CYREN: variants seen among roughly 807,000 people sequenced by gnomAD.
CYREN encodes cell cycle regulator of non-homologous end joining.
Under a neutral mutation model 9.7 loss-of-function variants are expected in CYREN, and 7 were observed. The ratio of observed to expected loss-of-function variants is 0.72; its 90% confidence interval spans 0.41 to 1.36. The LOEUF (loss-of-function observed/expected upper bound fraction) is 1.36. Among genes scored for constraint, CYREN ranks in the 40% most tolerant of loss-of-function variants. The pLI, the probability that CYREN is intolerant of heterozygous loss-of-function variation, is 0.01. For synonymous variants in CYREN, 76 were observed against 77.9 expected (o/e 0.98, Z 0.13); for missense variants, 215 against 198.1 (o/e 1.09, Z -0.51).
At chr7:135,167,276 A>T in intron 3 of CYREN, 2 of 1,070,550 alleles carry the variant, frequency 1.9e-6, no homozygotes, top group Non-Finnish European at 2.3e-6. Flanking sequence ...CATGCTTTCA[A>T]GGCACCTGGT....
rs758439524 is a variant in CYREN, at chr7:135,166,888, A to G, written c.214-17T>C. On this transcript the variant is annotated splice_polypyrimidine_tract_variant and intron_variant, in intron 3 of 3. Transcript: ENST00000393114. The stretch of plus-strand genomic sequence containing the variant: ...TTTGCGGCTCTGTGGAGTACGGGAA[A>G]ACGCAGGCTCAACATACGTGTTTTA... The G allele has an allele frequency of 3.7e-6, 6 of 1,608,392 alleles. No individual in the cohort carries two copies. In the African/African-American group the frequency reaches 8.0e-5, roughly 22 times the overall value.
chr7:135,128,605 G>A, intron 2 of CYREN: 1 of 779,392 alleles, frequency 1.3e-6, no homozygotes, highest in Non-Finnish European at 2.4e-6. Context: ...TCTGCTCTAT[G>A]GGAAGAACAC....
intron 2 of CYREN, among the ~76,000 whole-genome samples, chr7:135,155,203 C>T (rs1224028487): frequency 3.9e-5 from 6 of 152,150 alleles, no homozygotes; most frequent in Admixed American, 1.3e-4. Flanking sequence ...TTTTCCACCC[C>T]TTTGTTTTCA....
chr7:135,131,126 A>G lies in CYREN; in HGVS notation n.357-36544T>C, dbSNP rs193200466. Reference sequence around the variant, plus strand: ...AAATAAATTTAAAAATCATCTTGTAATTAGAAAAAAAAGGAATGAGATCAT... The same window carrying G: ...AAATAAATTTAAAAATCATCTTGTAGTTAGAAAAAAAAGGAATGAGATCAT... On this transcript the variant is annotated intron_variant and non_coding_transcript_variant, in intron 2 of 2. Transcript: ENST00000459937. 2.7e-4 allele frequency among the ~76,000 whole-genome samples: 41 copies of G among 152,260 alleles called. No individual in the cohort carries two copies. The Middle Eastern group carries it at 0.014, about 51-fold the overall frequency.
At chr7:135,162,086 C>T (rs997723060), downstream of CYREN, among the ~76,000 whole-genome samples, 2 of 152,252 alleles carry the variant, frequency 1.3e-5, no homozygotes, top group African/African-American at 4.8e-5. Context: ...TTGAATGGAG[C>T]TGCCCTCTCT....
intron 2 of CYREN, among the ~76,000 whole-genome samples, chr7:135,122,332 T>C (rs4732100): frequency 0.49 from 73,808 of 152,060 alleles, 18,288 homozygotes; most frequent in South Asian, 0.65. Flanking sequence ...GGTGGGGCTT[T>C]CCTGCAGGAA....
intron 2 of CYREN, among the ~76,000 whole-genome samples, chr7:135,127,746 C>T (rs2117302411): frequency 6.6e-6 from 1 of 152,196 alleles, no homozygotes; most frequent in East Asian, 1.9e-4. Context: ...ATTAGTTCAA[C>T]CATTGTGGAA....
At chr7:135,144,938 TAAAAAAAAAAAAAAAA>T (rs58443282) in intron 2 of CYREN, among the ~76,000 whole-genome samples, 2 of 45,618 alleles carry the variant, frequency 4.4e-5, no homozygotes, top group East Asian at 1.1e-3. Flanking sequence ...CTCAAAAGAG[TAAAAAAAAAAAAAAAA>T]AAAAAAAAAA....
At chr7:135,118,025 C>A (rs1344725649) in intron 2 of CYREN, among the ~76,000 whole-genome samples, 1 of 152,194 alleles carries the variant, frequency 6.6e-6, no homozygotes, top group Non-Finnish European at 1.5e-5. Flanking sequence ...GCAGAGACTG[C>A]AGATGAATAA....
At chr7:135,101,960 C>T (rs559295345) in intron 2 of CYREN, among the ~76,000 whole-genome samples, 9 of 152,248 alleles carry the variant, frequency 5.9e-5, no homozygotes, top group South Asian at 2.1e-4. Context: ...AAGGGGTTTC[C>T]GCTTTCGCTT....
chr7:135,170,406 A>AGGCCCAGAGGGC (rs1227609464), intron 1 of CYREN: 1 of 152,254 alleles, frequency 6.6e-6, no homozygotes, highest in Non-Finnish European at 1.5e-5. Context: ...GACCTGTGGG[A>AGGCCCAGAGGGC]GGCCCAGAGG....
At chr7:135,156,902 G>A (rs572816893) in intron 2 of CYREN, among the ~76,000 whole-genome samples, 4 of 152,142 alleles carry the variant, frequency 2.6e-5, no homozygotes, top group Admixed American at 1.3e-4. Flanking sequence ...TGCTATTCTC[G>A]TGATAGTGAA....
chr7:135,129,687 G>GC (rs1828453940), intron 2 of CYREN: 2 of 776,162 alleles, frequency 2.6e-6, no homozygotes, highest in African/African-American at 3.4e-5. Flanking sequence ...TGAGATTGAA[G>GC]ACTAGTTAAC....
intron 3 of CYREN, 89 bp downstream of exon 3, chr7:135,167,643 G>C (rs535025524): frequency 1.9e-6 from 3 of 1,572,028 alleles, no homozygotes; most frequent in African/African-American, 1.4e-5. Flanking sequence ...CTACGGCAGA[G>C]GGCGTCTCTC....
intron 2 of CYREN, among the ~76,000 whole-genome samples, chr7:135,126,946 G>T (rs1056785888): frequency 2.0e-5 from 3 of 152,130 alleles, no homozygotes; most frequent in Non-Finnish European, 4.4e-5. Context: ...TACCATTCAG[G>T]ACATAGGCAT....
upstream of CYREN, among the ~76,000 whole-genome samples, chr7:135,172,048 G>A (rs929656785): frequency 1.3e-5 from 2 of 152,196 alleles, no homozygotes; most frequent in Admixed American, 6.5e-5. Flanking sequence ...TGCCTGTATT[G>A]ACATCTTTGT....
chr7:135,107,815 G>A (rs895267461), intron 2 of CYREN, among the ~76,000 whole-genome samples: 1 of 152,004 alleles, frequency 6.6e-6, no homozygotes, highest in African/African-American at 2.4e-5. Flanking sequence ...GTGGAGTATT[G>A]AAGTCTCCCA....
chr7:135,158,189 G>T (rs1236669169), intron 2 of CYREN, among the ~76,000 whole-genome samples: 4 of 151,834 alleles, frequency 2.6e-5, no homozygotes, highest in Non-Finnish European at 5.9e-5. Flanking sequence ...GGTCCCTCCA[G>T]GCAGGCAGCA....
At chr7:135,143,096 C>T (rs764525243) in intron 2 of CYREN, among the ~76,000 whole-genome samples, 1 of 152,092 alleles carries the variant, frequency 6.6e-6, no homozygotes, top group Non-Finnish European at 1.5e-5. Context: ...CCTGTAATCC[C>T]AGCACTTTGG....
Sources: allele counts gnomAD v4.1 joint callset (sites outside exome capture counted in the v4.1 genomes callset), GRCh38; gene constraint gnomAD v4.1.1; transcripts MANE v1.5; gene names NCBI Gene and HGNC (gene_info 2026-07-23, HGNC 2026-07-21).